Variants in KIAA0825 observed in about 807,000 individuals in gnomAD.
The protein encoded by KIAA0825 is uncharacterized protein KIAA0825.
KIAA0825 carries 119 observed loss-of-function variants against 147.6 expected under a neutral mutation model. That is an observed-to-expected ratio of 0.81 (90% CI 0.69 to 0.94). KIAA0825 has a LOEUF of 0.94. Ranked by LOEUF, KIAA0825 falls within the 40% of genes least tolerant of loss-of-function variation. KIAA0825 has a pLI of 0.00. For missense variants in KIAA0825, 1,381 were observed against 1,472.7 expected (o/e 0.94, Z 1.02); for synonymous variants, 470 against 518.1 (o/e 0.91, Z 1.26).
intron 20 of KIAA0825, among the ~76,000 whole-genome samples, chr5:94,281,339 C>T (rs563478735): frequency 3.9e-5 from 6 of 151,964 alleles, no homozygotes; most frequent in Admixed American, 2.6e-4. Context: ...AAAAAAATTT[C>T]CTCCAATCTA....
chr5:94,154,227 CT>C, intron 20 of KIAA0825, 103 bp from the exon 21 acceptor site: 1 of 722,282 alleles, frequency 1.4e-6, no homozygotes, highest in South Asian at 1.7e-5. Context: ...ATTGAGTCAT[CT>C]GTCTCTCCCT....
rs944789048 is a variant in KIAA0825 at position 94,272,891 on chromosome 5, A to C, written c.3710+111477T>G. The stretch of plus-strand genomic sequence containing the variant: ...GTATGTATGGAACATAATTCATAGG[A>C]AAAGGCCTCCTTCTGTCTTGTTTAC... On this transcript the variant is annotated intron_variant, in intron 20 of 20. Coordinates refer to ENST00000682413, the MANE Select transcript of KIAA0825 (RefSeq NM_001145678.3). Among the ~76,000 whole-genome samples the C allele has an allele frequency of 3.3e-5, 5 of 152,366 alleles. 1 individual carries two copies. Among genetic ancestry groups the C allele is most frequent in the African/African-American group, 1.2e-4 (5 of 41,596 alleles).
At chr5:94,586,209 T>C (rs1280095999) in intron 1 of KIAA0825, among the ~76,000 whole-genome samples, 3 of 151,726 alleles carry the variant, frequency 2.0e-5, no homozygotes, top group East Asian at 1.9e-4. Context: ...CTGAAGGAGA[T>C]AGAGACATAA....
chr5:94,527,416 A>T (rs539009102), intron 3 of KIAA0825, among the ~76,000 whole-genome samples: 117 of 152,174 alleles, frequency 7.7e-4, no homozygotes, highest in Non-Finnish European at 1.5e-3. Flanking sequence ...AAAGGAAAAA[A>T]GTATGTTCCA....
At chr5:94,555,659 T>C (rs1776404192) in intron 2 of KIAA0825, among the ~76,000 whole-genome samples, 1 of 152,212 alleles carries the variant, frequency 6.6e-6, no homozygotes. Flanking sequence ...CTGACATTGC[T>C]TTATTTTTCA....
At chr5:94,593,799 A>T (rs1247601602) in intron 1 of KIAA0825, 1 of 334,236 alleles carries the variant, frequency 3.0e-6, no homozygotes, top group African/African-American at 2.2e-5. Flanking sequence ...TTTTTTGTGA[A>T]ACTTGGAGAA....
Position 94,477,091 on chromosome 5 carries a change from C to G in KIAA0825, c.1227+20G>C, listed in dbSNP as rs1214659125. 5 of 1,513,906 alleles carry G rather than the reference C, an allele frequency of 3.3e-6. No individual in the cohort carries two copies. Among genetic ancestry groups the G allele is most frequent in the Non-Finnish European group, 4.5e-6 (5 of 1,113,644 alleles). 93.8% of individuals were successfully genotyped at this position (1,513,906 alleles called of 1,614,324 possible). On this transcript the variant is annotated intron_variant, in intron 7 of 20. Transcript: ENST00000682413. The stretch of plus-strand genomic sequence containing the variant: ...GATATTATATGTGAATTATAAAACA[C>G]TTCTTTTTCCTTCACTTACCTCTTT...
chr5:94,522,339 G>A (rs1384615636), intron 4 of KIAA0825, among the ~76,000 whole-genome samples: 1 of 151,440 alleles, frequency 6.6e-6, no homozygotes, highest in Non-Finnish European at 1.5e-5. Flanking sequence ...GATATTTCTG[G>A]AAAAGAAATT....
intron 5 of KIAA0825, among the ~76,000 whole-genome samples, chr5:94,506,175 A>G (rs1035233765): frequency 1.3e-5 from 2 of 152,236 alleles, no homozygotes; most frequent in African/African-American, 2.4e-5. Context: ...AAATTAGCCA[A>G]TGATCAATAG....
intron 4 of KIAA0825, among the ~76,000 whole-genome samples, chr5:94,522,317 T>C (rs918988201): frequency 1.3e-5 from 2 of 151,726 alleles, no homozygotes; most frequent in African/African-American, 4.8e-5. Context: ...TCTACTGCTA[T>C]TGAGTTATTT....
intron 8 of KIAA0825, among the ~76,000 whole-genome samples, chr5:94,472,471 C>A (rs926874379): frequency 9.9e-5 from 15 of 152,118 alleles, no homozygotes; most frequent in African/African-American, 3.6e-4. Context: ...ATCGGCCGGG[C>A]GCGGTGGCTC....
chr5:94,481,833 T>C (rs767118061), intron 6 of KIAA0825, among the ~76,000 whole-genome samples: 3 of 152,038 alleles, frequency 2.0e-5, no homozygotes, highest in South Asian at 2.1e-4. Context: ...TTACATCCAA[T>C]TGAAGCAGCC....
chr5:94,247,989 T>G (rs990107371), intron 20 of KIAA0825, among the ~76,000 whole-genome samples: 2 of 152,116 alleles, frequency 1.3e-5, no homozygotes, highest in African/African-American at 4.8e-5. Flanking sequence ...TTACTAAGAA[T>G]GGAATTCATG....
rs1756851885 is a variant in KIAA0825 at position 94,439,843 on chromosome 5, C to G, written c.2497+139G>C. 13 of 832,814 alleles carry G rather than the reference C, an allele frequency of 1.6e-5. No homozygotes were observed. In the South Asian group the frequency reaches 2.9e-4, roughly 19 times the overall value. 51.6% of individuals were successfully genotyped at this position (832,814 alleles called of 1,614,324 possible). A position where few individuals can be genotyped will look rare whatever the true frequency, so the allele number is the denominator to read the frequency against. Reference sequence around the variant, plus strand: ...TGGTAAAGCGATTTAATGCTTTTGACTGCTGCTAACCCAGCTGAATGTTGA... The same window carrying G: ...TGGTAAAGCGATTTAATGCTTTTGAGTGCTGCTAACCCAGCTGAATGTTGA... On this transcript the variant is annotated intron_variant, in intron 14 of 20. Coordinates refer to ENST00000682413, the MANE Select transcript of KIAA0825 (RefSeq NM_001145678.3).
intron 5 of KIAA0825, among the ~76,000 whole-genome samples, chr5:94,488,246 A>C (rs13361876): frequency 0.25 from 38,597 of 152,056 alleles, 5,048 homozygotes; most frequent in East Asian, 0.32. Context: ...CCCCACTAAG[A>C]CAACCTGGCC....
chr5:94,604,512 T>C (rs1162895751), intron 1 of KIAA0825, among the ~76,000 whole-genome samples: 1 of 152,006 alleles, frequency 6.6e-6, no homozygotes, highest in Non-Finnish European at 1.5e-5. Flanking sequence ...TGAGCTGAGA[T>C]TGCACCACTG....
At chr5:94,313,823 T>C (rs1273299384) in intron 20 of KIAA0825, among the ~76,000 whole-genome samples, 4 of 151,634 alleles carry the variant, frequency 2.6e-5, no homozygotes, top group Non-Finnish European at 5.9e-5. Flanking sequence ...ACAGCCTAGC[T>C]GGACCTTTAC....
chr5:94,447,489 T>C (rs1757878556), intron 13 of KIAA0825, among the ~76,000 whole-genome samples: 1 of 152,144 alleles, frequency 6.6e-6, no homozygotes. Flanking sequence ...TATCATATAC[T>C]GTGGTCAAGC....
At chr5:94,307,955 A>G (rs1313274827) in intron 20 of KIAA0825, among the ~76,000 whole-genome samples, 1 of 151,798 alleles carries the variant, frequency 6.6e-6, no homozygotes, top group Non-Finnish European at 1.5e-5. Context: ...ATAATGTCAC[A>G]TCTTTAATAA....
Sources: gnomAD v4.1 joint callset for allele counts (sites outside exome capture counted in the v4.1 genomes callset) on GRCh38, gnomAD v4.1.1 for gene constraint, MANE v1.5 for transcripts, NCBI Gene and HGNC (gene_info 2026-07-23, HGNC 2026-07-21) for gene names.